GALNT13: variants seen among roughly 807,000 people sequenced by gnomAD.
GALNT13 encodes the protein UDP-GalNAc:polypeptide N-acetylgalactosaminyltransferase 13.
GALNT13 carries 28 observed loss-of-function variants against 64.2 expected under a neutral mutation model. That is an observed-to-expected ratio of 0.44 (90% confidence interval 0.32 to 0.60). The LOEUF (loss-of-function observed/expected upper bound fraction) is 0.60, where lower values mean the gene tolerates loss of function less well. Among genes scored for constraint, GALNT13 ranks in the 20% least tolerant of loss-of-function variants. The pLI is 0.05. For missense variants in GALNT13, 577 were observed against 669.8 expected, an observed-to-expected ratio of 0.86 and a Z score of 1.53; for synonymous variants, 214 against 224.6, an observed-to-expected ratio of 0.95 and a Z score of 0.42.
intron 2 of GALNT13, among the ~76,000 whole-genome samples, chr2:153,921,330 GCTGGATACTACTATAGT>G (rs1388284840): frequency 2.6e-5 from 4 of 152,140 alleles, no homozygotes; most frequent in Non-Finnish European, 5.9e-5. Flanking sequence ...CATGGATGGA[GCTGGATACTACTATAGT>G]AAGTAAAATA....
At chr2:154,192,866 A>G (rs887473755) in intron 4 of GALNT13, among the ~76,000 whole-genome samples, 4 of 152,246 alleles carry the variant, frequency 2.6e-5, no homozygotes, top group Admixed American at 1.3e-4. Context: ...GCTAGTTTCA[A>G]TATTTTAGAA....
intron 2 of GALNT13, among the ~76,000 whole-genome samples, chr2:153,923,811 A>T (rs1689923351): frequency 6.7e-6 from 1 of 148,922 alleles, no homozygotes; most frequent in Non-Finnish European, 1.5e-5. Context: ...TGTCCTTGTG[A>T]TAGTTTGCTG....
rs1436583775 is a variant in GALNT13, at chr2:154,409,634, G to A, written c.1395+552G>A. ...GCTTTGCATGGTGGGCCACATGGAGGCTATTTGGCTGTGAGTCTTCAGGAC... is the reference window on the plus strand; with the variant it reads ...GCTTTGCATGGTGGGCCACATGGAGACTATTTGGCTGTGAGTCTTCAGGAC... On this transcript the variant is annotated intron_variant, in intron 11 of 12. Coordinates refer to ENST00000392825, the MANE Select transcript of GALNT13 (RefSeq NM_052917.4). Among the ~76,000 whole-genome samples, 3 of 151,890 alleles carry A rather than the reference G, an allele frequency of 2.0e-5. No individual in the cohort carries two copies. In the East Asian group the frequency reaches 5.8e-4, roughly 29 times the overall value.
intron 1 of GALNT13, among the ~76,000 whole-genome samples, chr2:153,872,626 G>GA (rs1553448930): frequency 1.5e-5 from 2 of 131,412 alleles, no homozygotes; most frequent in Non-Finnish European, 1.6e-5. Flanking sequence ...TGGCGGGGGG[G>GA]GGGGGGGGAG....
At chr2:153,839,241 A>G in the GALNT13 span, among the ~76,000 whole-genome samples, 2 of 151,806 alleles carry the variant, frequency 1.3e-5, no homozygotes, top group African/African-American at 2.4e-5. Context: ...AAACTTAGAT[A>G]TATTTTACTT....
At chr2:154,064,802 C>T (rs150446758) in intron 3 of GALNT13, among the ~76,000 whole-genome samples, 4 of 152,228 alleles carry the variant, frequency 2.6e-5, no homozygotes, top group Admixed American at 2.6e-4. Flanking sequence ...CAGCAATTCC[C>T]AGCAGTGGTG....
chr2:153,920,196 T>C (rs1034190389), intron 2 of GALNT13, among the ~76,000 whole-genome samples: 3 of 151,840 alleles, frequency 2.0e-5, no homozygotes, highest in African/African-American at 4.8e-5. Context: ...ATTACGATTA[T>C]AGTTTGGATT....
At chr2:153,468,577 A>C in the GALNT13 span, among the ~76,000 whole-genome samples, 4 of 152,102 alleles carry the variant, frequency 2.6e-5, no homozygotes, top group Non-Finnish European at 5.9e-5. Flanking sequence ...TTTCAGTATT[A>C]TAATTTGGTT....
chr2:153,744,675 G>A, the GALNT13 span, among the ~76,000 whole-genome samples: 2 of 151,976 alleles, frequency 1.3e-5, no homozygotes, highest in African/African-American at 2.4e-5. Context: ...GAGCATGACC[G>A]AGACCAAAAA....
At chr2:153,238,729 C>T in the GALNT13 span, among the ~76,000 whole-genome samples, 2 of 151,998 alleles carry the variant, frequency 1.3e-5, no homozygotes, top group South Asian at 2.1e-4. Flanking sequence ...GTTTTGGTTA[C>T]TATAGGTTAC....
At position 154,041,097 on chromosome 2, in the gene GALNT13, C is replaced by T. The variant is rs1350362886; in HGVS notation, c.142+96458C>T. Among the ~76,000 whole-genome samples the T allele has an allele frequency of 7.1e-5, 10 of 139,944 alleles. 1 individual carries two copies. Among genetic ancestry groups the T allele is most frequent in the Non-Finnish European group, 1.6e-5 (1 of 60,984 alleles). The allele number at this position is 139,944 out of a possible 152,430, so 91.8% of individuals were successfully genotyped here. On this transcript the variant is annotated intron_variant, in intron 3 of 12. Transcript: ENST00000392825. ...CAATTATTAGCTAAACCACACATTT[C>T]AGATGAATAAGGATAAGAAATTCAG...
chr2:153,690,619 C>T, the GALNT13 span, among the ~76,000 whole-genome samples: 1 of 152,134 alleles, frequency 6.6e-6, no homozygotes, highest in Non-Finnish European at 1.5e-5. Flanking sequence ...GTGGACTTAA[C>T]ACATCCCCAC....
At chr2:153,926,744 T>G (rs746931773) in intron 2 of GALNT13, among the ~76,000 whole-genome samples, 14 of 152,180 alleles carry the variant, frequency 9.2e-5, no homozygotes, top group Non-Finnish European at 1.9e-4. Flanking sequence ...ATGCGTGCCA[T>G]GTACTCACGT....
At chr2:153,529,922 A>G in the GALNT13 span, among the ~76,000 whole-genome samples, 1 of 152,074 alleles carries the variant, frequency 6.6e-6, no homozygotes, top group Non-Finnish European at 1.5e-5. Context: ...TGTGAAATAG[A>G]CACACAGCTA....
At chr2:154,448,288 G>T (rs1320496829) in intron 12 of GALNT13, among the ~76,000 whole-genome samples, 1 of 152,002 alleles carries the variant, frequency 6.6e-6, no homozygotes, top group Non-Finnish European at 1.5e-5. Flanking sequence ...AAACAATGTA[G>T]CCTAGAAACA....
At chr2:154,327,330 C>T (rs1162221268) in intron 9 of GALNT13, among the ~76,000 whole-genome samples, 3 of 152,056 alleles carry the variant, frequency 2.0e-5, no homozygotes, top group Non-Finnish European at 4.4e-5. Flanking sequence ...TACCCAGTCT[C>T]AGGTAGTTAT....
intron 3 of GALNT13, among the ~76,000 whole-genome samples, chr2:154,031,949 A>G (rs1698366378): frequency 6.6e-6 from 1 of 151,970 alleles, no homozygotes; most frequent in Non-Finnish European, 1.5e-5. Flanking sequence ...TAACAGTCTA[A>G]GCAACAATGC....
At chr2:153,523,636 C>T in the GALNT13 span, among the ~76,000 whole-genome samples, 9 of 152,160 alleles carry the variant, frequency 5.9e-5, no homozygotes, top group East Asian at 1.2e-3. Flanking sequence ...TAGAGGGGAA[C>T]GTGATTGACT....
At chr2:153,684,143 T>C in the GALNT13 span, among the ~76,000 whole-genome samples, 2 of 151,616 alleles carry the variant, frequency 1.3e-5, no homozygotes, top group South Asian at 4.1e-4. Context: ...CTACATCATT[T>C]TACAGGTAGC....
Sources: allele counts gnomAD v4.1 joint callset (sites outside exome capture counted in the v4.1 genomes callset), GRCh38; gene constraint gnomAD v4.1.1; transcripts MANE v1.5; gene names NCBI Gene and HGNC (gene_info 2026-07-23, HGNC 2026-07-21).